TAFA5: variants seen among roughly 807,000 people sequenced by gnomAD.
The protein encoded by TAFA5 is chemokine-like protein TAFA-5.
In TAFA5, 6 loss-of-function variants were observed where a neutral mutation model predicts 15.3. The ratio of observed to expected loss-of-function variants is 0.39; its 90% CI spans 0.21 to 0.77. TAFA5 has a LOEUF of 0.77. Ranked by LOEUF, TAFA5 falls within the 30% of genes least tolerant of loss-of-function variation. The probability of loss-of-function intolerance (pLI) is 0.41; values close to 1 mark genes in which losing one functional copy is unlikely to be tolerated. For synonymous variants in TAFA5, 103 were observed against 80.7 expected (o/e 1.28, Z -1.48); for missense variants, 161 against 193.1 (o/e 0.83, Z 0.98).
At chr22:48,585,440 C>T (rs946068394) in intron 1 of TAFA5, among the ~76,000 whole-genome samples, 18 of 148,582 alleles carry the variant, frequency 1.2e-4, no homozygotes, top group African/African-American at 4.2e-4. Context: ...CACACACATG[C>T]CACATCCCAC....
chr22:48,516,195 C>T (rs1190328566), intron 1 of TAFA5, among the ~76,000 whole-genome samples: 2 of 152,172 alleles, frequency 1.3e-5, no homozygotes, highest in East Asian at 1.9e-4. Flanking sequence ...GCGAAACCCA[C>T]GTGGAGGCGC....
intron 1 of TAFA5, chr22:48,576,408 G>A (rs1923802928): frequency 2.4e-6 from 3 of 1,244,082 alleles, no homozygotes; most frequent in South Asian, 6.7e-5. Context: ...GGCTGCACCC[G>A]GCGGGGCGCT....
chr22:48,503,490 A>G (rs1367530216), intron 1 of TAFA5, among the ~76,000 whole-genome samples: 1 of 152,244 alleles, frequency 6.6e-6, no homozygotes, highest in Non-Finnish European at 1.5e-5. Context: ...CATGGAGGAA[A>G]GAGCAAAACG....
chr22:48,588,995 A>G (rs1470910843), intron 1 of TAFA5, among the ~76,000 whole-genome samples: 1 of 152,240 alleles, frequency 6.6e-6, no homozygotes, highest in East Asian at 1.9e-4. Flanking sequence ...GAAGCAGCCA[A>G]GCAGGCCTTC....
At chr22:48,714,743 C>T (rs925327262) in intron 3 of TAFA5, among the ~76,000 whole-genome samples, 1 of 152,334 alleles carries the variant, frequency 6.6e-6, no homozygotes, top group African/African-American at 2.4e-5. Context: ...CCACCATAAC[C>T]AATGACCACG....
intron 1 of TAFA5, among the ~76,000 whole-genome samples, chr22:48,538,010 G>T (rs908080915): frequency 6.6e-6 from 1 of 152,220 alleles, no homozygotes; most frequent in Non-Finnish European, 1.5e-5. Flanking sequence ...ACCAGCGCAC[G>T]GTCAGCTCCA....
chr22:48,618,557 G>T (rs552359230), intron 1 of TAFA5, among the ~76,000 whole-genome samples: 7 of 152,326 alleles, frequency 4.6e-5, no homozygotes, highest in Non-Finnish European at 1.0e-4. Flanking sequence ...GTCCGCACCC[G>T]CAGCTCCGTC....
chr22:48,639,211 C>A (rs562964648), intron 1 of TAFA5, among the ~76,000 whole-genome samples: 2 of 150,610 alleles, frequency 1.3e-5, no homozygotes, highest in Non-Finnish European at 3.0e-5. Flanking sequence ...CTTTTCTCCC[C>A]GTTGGGGACC....
At chr22:48,739,516 G>T (rs1930121169) in intron 3 of TAFA5, among the ~76,000 whole-genome samples, 1 of 152,160 alleles carries the variant, frequency 6.6e-6, no homozygotes, top group East Asian at 1.9e-4. Context: ...GGTTAGGGCG[G>T]TCTCCTGCCT....
At chr22:48,688,003 G>A (rs963042531) in intron 2 of TAFA5, among the ~76,000 whole-genome samples, 14 of 114,718 alleles carry the variant, frequency 1.2e-4, no homozygotes, top group Non-Finnish European at 1.8e-4. Flanking sequence ...CATGATTAGA[G>A]GGTTTTTTTT....
intron 1 of TAFA5, chr22:48,546,627 GGGCAT>G (rs1218730646): frequency 2.1e-6 from 1 of 470,964 alleles, no homozygotes; most frequent in East Asian, 6.9e-5. Context: ...GAGTGCGTGA[GGGCAT>G]GGCCTGGCGA....
intron 2 of TAFA5, among the ~76,000 whole-genome samples, chr22:48,668,309 T>G (rs1601657377): frequency 2.8e-4 from 4 of 14,528 alleles, no homozygotes; most frequent in Non-Finnish European, 2.8e-4. Context: ...ACTGGGAGTG[T>G]TAATCCCCCA....
At chr22:48,534,825 G>A (rs77674659) in intron 1 of TAFA5, among the ~76,000 whole-genome samples, 9 of 152,136 alleles carry the variant, frequency 5.9e-5, no homozygotes, top group South Asian at 2.1e-4. Context: ...GCTGGGAGCC[G>A]CAGGAGCAGC....
rs539072767 is a variant in TAFA5 at position 48,706,744 on chromosome 22, A to G, written c.263-973A>G. On this transcript the variant is annotated intron_variant, in intron 2 of 3. Coordinates refer to ENST00000402357, the MANE Select transcript of TAFA5 (RefSeq NM_001082967.3). ...CCTGTTTGTAGGTCCAATTTTTATA[A>G]AAGTAATTATGTGTGCATTAGGAAG... Among the ~76,000 whole-genome samples, 10 of 152,300 alleles carry G rather than the reference A, an allele frequency of 6.6e-5. No individual in the cohort carries two copies. The East Asian group carries it at 1.9e-3, about 29-fold the overall frequency.
At chr22:48,611,921 G>A (rs1925423861) in intron 1 of TAFA5, among the ~76,000 whole-genome samples, 1 of 152,178 alleles carries the variant, frequency 6.6e-6, no homozygotes, top group Non-Finnish European at 1.5e-5. Flanking sequence ...TGGCTGCCAG[G>A]GGGCTGGGTG....
chr22:48,667,266 G>A (rs528690963), intron 2 of TAFA5, among the ~76,000 whole-genome samples: 20 of 143,414 alleles, frequency 1.4e-4, no homozygotes, highest in Non-Finnish European at 2.5e-4. Context: ...AGAGCCACGC[G>A]CTCCTGGCTT....
chr22:48,637,528 G>A (rs1926493370), intron 1 of TAFA5, among the ~76,000 whole-genome samples: 1 of 152,172 alleles, frequency 6.6e-6, no homozygotes, highest in South Asian at 2.1e-4. Flanking sequence ...TAATTGATGT[G>A]CGGAGCCAGC....
intron 3 of TAFA5, among the ~76,000 whole-genome samples, chr22:48,745,040 G>A (rs1217762759): frequency 6.6e-6 from 1 of 152,200 alleles, no homozygotes; most frequent in African/African-American, 2.4e-5. Flanking sequence ...ACGGGCGTGA[G>A]CCACTGCGCC....
chr22:48,596,780 C>T lies in TAFA5; in HGVS notation c.113-49817C>T, dbSNP rs151220847. 1.1e-3 allele frequency among the ~76,000 whole-genome samples: 166 copies of T among 152,112 alleles called. No individual in the cohort carries two copies. In the Middle Eastern group the frequency reaches 0.027, roughly 25 times the overall value. On this transcript the variant is annotated intron_variant, in intron 1 of 3. Coordinates refer to ENST00000402357, the MANE Select transcript of TAFA5 (RefSeq NM_001082967.3). ...AGAGGGGCGCCACTGCCCTAGGGCT[C>T]CTCTGTGCTGGATGCCATCATTTTC...
Sources: allele counts gnomAD v4.1 joint callset (sites outside exome capture counted in the v4.1 genomes callset), GRCh38; gene constraint gnomAD v4.1.1; transcripts MANE v1.5; gene names NCBI Gene and HGNC (gene_info 2026-07-23, HGNC 2026-07-21).